NEK7: variants seen among roughly 807,000 people sequenced by gnomAD.
The protein encoded by NEK7 is serine/threonine-protein kinase Nek7.
In NEK7, 18 loss-of-function variants were observed where a neutral mutation model predicts 44.6. The ratio of observed to expected loss-of-function variants is 0.40; its 90% CI spans 0.28 to 0.60. The LOEUF (loss-of-function observed/expected upper bound fraction) is 0.60, where lower values mean the gene tolerates loss of function less well. NEK7 is among the 20% of genes least tolerant of loss of function. The probability of loss-of-function intolerance (pLI) is 0.38; values close to 1 mark genes in which losing one functional copy is unlikely to be tolerated. For synonymous variants in NEK7, 130 were observed against 121.1 expected, an observed-to-expected ratio of 1.07 and a Z score of -0.48; for missense variants, 256 against 366.5, an observed-to-expected ratio of 0.70 and a Z score of 2.46.
intron 2 of NEK7, among the ~76,000 whole-genome samples, chr1:198,240,363 G>C (rs1666649870): frequency 6.6e-6 from 1 of 152,114 alleles, no homozygotes; most frequent in South Asian, 2.1e-4. Context: ...CTTGCCTGCT[G>C]CTTTCTTGGA....
intron 1 of NEK7, among the ~76,000 whole-genome samples, chr1:198,201,950 T>C (rs1212790234): frequency 6.6e-6 from 1 of 152,236 alleles, no homozygotes; most frequent in African/African-American, 2.4e-5. Flanking sequence ...CAATGGCTTT[T>C]AATAAACTGT....
At chr1:198,213,573 T>G (rs903838391) in intron 1 of NEK7, among the ~76,000 whole-genome samples, 9 of 152,152 alleles carry the variant, frequency 5.9e-5, no homozygotes, top group African/African-American at 1.9e-4. Flanking sequence ...GTATGAGAGA[T>G]AGAGTCACAA....
chr1:198,247,889 C>G (rs530905570), intron 2 of NEK7, among the ~76,000 whole-genome samples: 2 of 152,110 alleles, frequency 1.3e-5, no homozygotes, highest in Admixed American at 6.5e-5. Flanking sequence ...CTGCGTAAGT[C>G]TAGGATATGG....
At chr1:198,266,289 G>T (rs1653651200) in intron 5 of NEK7, among the ~76,000 whole-genome samples, 1 of 152,008 alleles carries the variant, frequency 6.6e-6, no homozygotes, top group Non-Finnish European at 1.5e-5. Flanking sequence ...CCGAGTAAGA[G>T]TATGCACATT....
intron 7 of NEK7, among the ~76,000 whole-genome samples, chr1:198,285,939 A>C (rs1348189848): frequency 6.6e-6 from 1 of 152,104 alleles, no homozygotes; most frequent in Non-Finnish European, 1.5e-5. Flanking sequence ...CCGTTAGGAA[A>C]TTTACATCTT....
chr1:198,175,534 C>T (rs769506477), intron 1 of NEK7, among the ~76,000 whole-genome samples: 1 of 152,112 alleles, frequency 6.6e-6, no homozygotes, highest in Admixed American at 6.6e-5. Context: ...GAAGATGGGG[C>T]CAAGCTATTT....
chr1:198,245,324 A>G (rs1180541176), intron 2 of NEK7: 1 of 169,298 alleles, frequency 5.9e-6, no homozygotes, highest in Non-Finnish European at 1.5e-5. Context: ...ACGAGTAATT[A>G]AAAGCCTGTG....
intron 7 of NEK7, among the ~76,000 whole-genome samples, chr1:198,291,944 A>G (rs1437989262): frequency 1.3e-5 from 2 of 152,160 alleles, no homozygotes; most frequent in Non-Finnish European, 2.9e-5. Context: ...TAAGATTTAT[A>G]GTAAACACCT....
intron 5 of NEK7, among the ~76,000 whole-genome samples, chr1:198,264,880 A>G (rs1653597638): frequency 6.6e-6 from 1 of 152,108 alleles, no homozygotes; most frequent in South Asian, 2.1e-4. Context: ...CACAGTAATA[A>G]TAGAACCTAC....
chr1:198,232,479 T>C, intron 1 of NEK7, 74 bp from the exon 2 acceptor site: 1 of 690,448 alleles, frequency 1.4e-6, no homozygotes, highest in Non-Finnish European at 2.7e-6. Flanking sequence ...TTTGAATGCA[T>C]GTGTCGGTGT....
intron 2 of NEK7, among the ~76,000 whole-genome samples, chr1:198,251,335 C>A (rs1420598677): frequency 1.3e-5 from 2 of 148,248 alleles, no homozygotes; most frequent in Non-Finnish European, 3.0e-5. Flanking sequence ...GTCTAAAATT[C>A]TCTTTTTTGG....
intron 1 of NEK7, among the ~76,000 whole-genome samples, chr1:198,221,937 G>A (rs945300507): frequency 1.3e-5 from 2 of 151,260 alleles, no homozygotes; most frequent in African/African-American, 4.9e-5. Flanking sequence ...CTAGTATAAT[G>A]TTATCTAGTA....
chr1:198,256,588 ATC>A, intron 3 of NEK7: 2 of 1,338,548 alleles, frequency 1.5e-6, no homozygotes, highest in Non-Finnish European at 2.0e-6. Context: ...CTTCCTGCTG[ATC>A]ATTGAATTCA....
intron 9 of NEK7, among the ~76,000 whole-genome samples, chr1:198,300,396 C>T (rs566276411): frequency 1.3e-5 from 2 of 152,282 alleles, no homozygotes; most frequent in East Asian, 3.9e-4. Context: ...ACTAGAAGTT[C>T]CATAAATTTT....
rs747125346 is a variant in NEK7 at position 198,253,144 on chromosome 1, C to G, written c.162C>G (p.Leu54=). 6 of 1,610,828 alleles carry G rather than the reference C, an allele frequency of 3.7e-6. No individual in the cohort carries two copies. Among genetic ancestry groups the G allele is most frequent in the Non-Finnish European group, 5.1e-6 (6 of 1,177,778 alleles). Residue 54 remains leucine (L), a synonymous_variant, in exon 3 of 10, where the codon CTC becomes CTG. Coordinates refer to ENST00000367385, the MANE Select transcript of NEK7 (RefSeq NM_133494.3). The stretch of plus-strand genomic sequence containing the variant: ...GTGAAGTTTATAGAGCAGCCTGTCT[C>G]TTGGATGGAGTACCAGTAGCTTTAA... The part of the protein sequence containing the change: ...QFSEVYRAAC[L]LDGVPVALKK...
intron 5 of NEK7, among the ~76,000 whole-genome samples, chr1:198,269,507 C>T (rs1024432435): frequency 3.9e-5 from 6 of 152,046 alleles, no homozygotes; most frequent in Non-Finnish European, 7.4e-5. Flanking sequence ...AGAACAATGC[C>T]TTAAAGCTTT....
At chr1:198,169,455 C>T (rs929525103) in intron 1 of NEK7, among the ~76,000 whole-genome samples, 14 of 152,288 alleles carry the variant, frequency 9.2e-5, no homozygotes, top group South Asian at 2.1e-4. Flanking sequence ...AATAAAGGAA[C>T]GACCAAATGC....
chr1:198,157,590 T>C (rs1342986882), intron 1 of NEK7, among the ~76,000 whole-genome samples: 1 of 152,242 alleles, frequency 6.6e-6, no homozygotes, highest in Non-Finnish European at 1.5e-5. Flanking sequence ...AACAGGTCTT[T>C]GGTTTCGGGA....
chr1:198,201,253 C>T lies in NEK7; in HGVS notation c.-28-31300C>T, dbSNP rs1018208982. 4.6e-5 allele frequency among the ~76,000 whole-genome samples: 7 copies of T among 152,006 alleles called. 1 individual carries two copies. The South Asian group carries it at 1.0e-3, about 23-fold the overall frequency. ...TACCTAAATTTATACAGTGGTTGGCCGCAAAGTATTTCAGTTTTATTTTAG... is the reference window on the plus strand; with the variant it reads ...TACCTAAATTTATACAGTGGTTGGCTGCAAAGTATTTCAGTTTTATTTTAG... On this transcript the variant is annotated intron_variant, in intron 1 of 9. Coordinates refer to ENST00000367385, the MANE Select transcript of NEK7 (RefSeq NM_133494.3).
Sources: allele counts gnomAD v4.1 joint callset (sites outside exome capture counted in the v4.1 genomes callset), GRCh38; gene constraint gnomAD v4.1.1; transcripts MANE v1.5; gene names NCBI Gene and HGNC (gene_info 2026-07-23, HGNC 2026-07-21).